The following NBEA variants were observed in gnomAD, a reference collection of about 807,000 sequenced individuals.
NBEA encodes the protein neurobeachin, also known as lysosomal-trafficking regulator 2.
NBEA carries 44 observed loss-of-function variants against 343.4 expected under a neutral mutation model. The ratio of observed to expected loss-of-function variants is 0.13; its 90% confidence interval spans 0.10 to 0.16. The LOEUF is 0.16. Among genes scored for constraint, NBEA ranks in the 10% least tolerant of loss-of-function variants. The probability of loss-of-function intolerance (pLI) is 1.00; values close to 1 mark genes in which losing one functional copy is unlikely to be tolerated. For synonymous variants in NBEA, 1,175 were observed against 1,238.7 expected (o/e 0.95, Z 1.08); for missense variants, 2,555 against 3,631.3 (o/e 0.70, Z 7.62).
intron 38 of NBEA, among the ~76,000 whole-genome samples, chr13:35,419,650 C>G (rs1444474042): frequency 1.3e-5 from 2 of 151,994 alleles, no homozygotes; most frequent in Non-Finnish European, 2.9e-5. Context: ...ATCTGTAAAA[C>G]TCATCCATTG....
intron 45 of NBEA, among the ~76,000 whole-genome samples, chr13:35,572,741 TTGTTG>T (rs869065005): frequency 6.6e-6 from 1 of 151,936 alleles, no homozygotes; most frequent in South Asian, 2.1e-4. Flanking sequence ...GTTGTTGTTG[TTGTTG>T]TTTTTGAGAT....
At chr13:35,043,769 A>G (rs999640064) in intron 2 of NBEA, among the ~76,000 whole-genome samples, 2 of 151,966 alleles carry the variant, frequency 1.3e-5, no homozygotes, top group Non-Finnish European at 2.9e-5. Context: ...TACAAATGAC[A>G]AATATTTTTT....
intron 34 of NBEA, among the ~76,000 whole-genome samples, chr13:35,271,023 C>T (rs1359605462): frequency 2.0e-5 from 3 of 152,238 alleles, no homozygotes; most frequent in East Asian, 1.9e-4. Flanking sequence ...ATTTGAGCTC[C>T]GATAACGGAC....
At chr13:35,341,685 A>G (rs2039593606) in intron 36 of NBEA, among the ~76,000 whole-genome samples, 1 of 152,092 alleles carries the variant, frequency 6.6e-6, no homozygotes, top group Admixed American at 6.6e-5. Flanking sequence ...ATACCACTTC[A>G]TATTCATTAG....
chr13:35,072,234 A>G lies in NBEA; in HGVS notation c.1571+1382A>G, dbSNP rs542952395. Among the ~76,000 whole-genome samples the G allele has an allele frequency of 1.3e-3, 200 of 152,242 alleles. 1 individual carries two copies. Among genetic ancestry groups the G allele is most frequent in the Non-Finnish European group, 1.0e-3 (69 of 68,002 alleles). On this transcript the variant is annotated intron_variant, in intron 10 of 58. Transcript: ENST00000379939. ...AGCCACTAGAAAAATCCATGTATTA[A>G]TTTAAATATTTCTTATGAAATAATA...
chr13:35,519,739 G>T (rs896086556), intron 41 of NBEA, among the ~76,000 whole-genome samples: 5 of 151,994 alleles, frequency 3.3e-5, no homozygotes, highest in African/African-American at 1.2e-4. Context: ...CTGAATAACT[G>T]GGATATTACC....
intron 48 of NBEA, among the ~76,000 whole-genome samples, chr13:35,623,868 C>G (rs2083105805): frequency 6.6e-6 from 1 of 151,958 alleles, no homozygotes; most frequent in Non-Finnish European, 1.5e-5. Context: ...AATTCATTTT[C>G]TTATACAAAT....
intron 41 of NBEA, among the ~76,000 whole-genome samples, chr13:35,526,348 C>T (rs1429993298): frequency 6.6e-6 from 1 of 152,068 alleles, no homozygotes; most frequent in African/African-American, 2.4e-5. Flanking sequence ...CAAAATAAAA[C>T]ATTAAAAAAA....
chr13:34,957,044 T>TAC (rs1368005643), intron 1 of NBEA, among the ~76,000 whole-genome samples: 5 of 144,972 alleles, frequency 3.4e-5, no homozygotes, highest in African/African-American at 5.5e-5. Flanking sequence ...CACATATATA[T>TAC]ACACACACAC....
chr13:34,981,867 T>A lies in NBEA; in HGVS notation c.294+38753T>A, dbSNP rs79019016. Among the ~76,000 whole-genome samples the A allele has an allele frequency of 2.4e-3, 372 of 152,146 alleles. 15 individuals carry two copies. In the East Asian group the frequency reaches 0.064, roughly 26 times the overall value. Reference sequence around the variant, plus strand: ...GTAGTTGAATTTGTTAGCACACTGTTCATAAACATTTCTCTGATATTCTTT... The same window carrying A: ...GTAGTTGAATTTGTTAGCACACTGTACATAAACATTTCTCTGATATTCTTT... On this transcript the variant is annotated intron_variant, in intron 1 of 58. Transcript: ENST00000379939.
At chr13:34,960,896 A>G (rs1338000850) in intron 1 of NBEA, among the ~76,000 whole-genome samples, 1 of 152,118 alleles carries the variant, frequency 6.6e-6, no homozygotes, top group African/African-American at 2.4e-5. Flanking sequence ...CTTATTAGTG[A>G]TGTGCACTCT....
intron 38 of NBEA, among the ~76,000 whole-genome samples, chr13:35,375,619 A>G (rs1454462971): frequency 1.3e-5 from 2 of 152,158 alleles, no homozygotes; most frequent in Non-Finnish European, 2.9e-5. Context: ...ATACAGAGAA[A>G]GGGACATGCA....
At chr13:35,470,375 CT>C (rs35460896) in intron 40 of NBEA, among the ~76,000 whole-genome samples, 70 of 149,524 alleles carry the variant, frequency 4.7e-4, no homozygotes, top group Non-Finnish European at 7.0e-4. Context: ...GTTTCACGAT[CT>C]TTTTTTTTTC....
At chr13:35,573,238 T>C (rs2153031047) in intron 45 of NBEA, among the ~76,000 whole-genome samples, 1 of 152,342 alleles carries the variant, frequency 6.6e-6, no homozygotes. Flanking sequence ...TTTAAATTAA[T>C]ACTTTTATTC....
chr13:35,476,519 C>T (rs2075881085), intron 41 of NBEA: 1 of 636,812 alleles, frequency 1.6e-6, no homozygotes, highest in Admixed American at 2.8e-5. Flanking sequence ...TGAGACCCAG[C>T]AAAGCTCTTC....
chr13:35,242,613 A>G (rs535068863), intron 34 of NBEA, among the ~76,000 whole-genome samples: 1 of 151,972 alleles, frequency 6.6e-6, no homozygotes, highest in East Asian at 1.9e-4. Context: ...CCAACTACTG[A>G]AAGTCAAAGA....
At chr13:34,956,855 A>T (rs2059509017) in intron 1 of NBEA, among the ~76,000 whole-genome samples, 1 of 152,132 alleles carries the variant, frequency 6.6e-6, no homozygotes, top group Non-Finnish European at 1.5e-5. Flanking sequence ...CCCATTAAAT[A>T]GTAACTTCCA....
intron 1 of NBEA, among the ~76,000 whole-genome samples, chr13:35,005,815 A>G (rs572277928): frequency 6.6e-6 from 1 of 152,324 alleles, no homozygotes; most frequent in African/African-American, 2.4e-5. Context: ...AGAGATTAGA[A>G]AAGAGTTTAT....
chr13:35,200,025 A>G (rs2072907205), intron 31 of NBEA, among the ~76,000 whole-genome samples: 1 of 152,072 alleles, frequency 6.6e-6, no homozygotes. Flanking sequence ...CACTGTATGT[A>G]AAGAGGAAAT....
Sources: allele counts gnomAD v4.1 joint callset (sites outside exome capture counted in the v4.1 genomes callset), GRCh38; gene constraint gnomAD v4.1.1; transcripts MANE v1.5; gene names NCBI Gene and HGNC (gene_info 2026-07-23, HGNC 2026-07-21).